Variants in ZDHHC15 observed in about 807,000 individuals in gnomAD.
ZDHHC15 encodes palmitoyltransferase ZDHHC15.
Under a neutral mutation model 31.7 loss-of-function variants are expected in ZDHHC15, and 19 were observed. The ratio of observed to expected loss-of-function variants is 0.60; its 90% CI spans 0.42 to 0.88. The LOEUF is 0.88. ZDHHC15 is among the 40% of genes least tolerant of loss of function. The pLI is 0.00. For synonymous variants in ZDHHC15, 103 were observed against 90.0 expected (o/e 1.14, Z -0.82); for missense variants, 209 against 251.2 (o/e 0.83, Z 1.14).
At chrX:75,478,841 C>T in intron 3 of ZDHHC15, 50 bp downstream of exon 3, 1 of 985,942 alleles carries the variant, frequency 1.0e-6, no homozygotes, top group Non-Finnish European at 1.4e-6. Flanking sequence ...TTTATTGTCA[C>T]TTCTACTTTT....
chrX:75,383,738 T>TG (rs2083144942), intron 10 of ZDHHC15, among the ~76,000 whole-genome samples: 1 of 85,207 alleles, frequency 1.2e-5, no homozygotes, highest in African/African-American at 4.1e-5. Flanking sequence ...ATGTTAGGTT[T>TG]TTTTTTTTTT....
At chrX:75,489,913 A>C (rs891341393) in intron 2 of ZDHHC15, among the ~76,000 whole-genome samples, 1 of 112,374 alleles carries the variant, frequency 8.9e-6, no homozygotes, top group Non-Finnish European at 1.9e-5. Context: ...ATGGAGCTGA[A>C]AAACAAGGCA....
intron 3 of ZDHHC15, among the ~76,000 whole-genome samples, chrX:75,461,719 C>G: frequency 8.9e-6 from 1 of 111,844 alleles, no homozygotes; most frequent in East Asian, 2.8e-4. Flanking sequence ...CCTTTTCAGA[C>G]AAGAAAATAC....
chrX:75,472,800 G>A (rs2084524246), intron 3 of ZDHHC15, among the ~76,000 whole-genome samples: 1 of 111,888 alleles, frequency 8.9e-6, no homozygotes, highest in African/African-American at 3.3e-5. Flanking sequence ...CACTCACCAC[G>A]GTCGACCTGG....
chrX:75,371,794 A>G lies in ZDHHC15; in HGVS notation c.*1184T>C, dbSNP rs763135855. 1.8e-5 allele frequency: 2 copies of G among 112,023 alleles called. No homozygotes were observed. The highest frequency in any genetic ancestry group is 3.8e-5 in the Non-Finnish European group (2 of 53,192). 9.2% of individuals were successfully genotyped at this position (112,023 alleles called of 1,213,427 possible). On this transcript the variant is annotated 3_prime_UTR_variant, in exon 12 of 12. Coordinates refer to ENST00000373367, the MANE Select transcript of ZDHHC15 (RefSeq NM_144969.3). ...GTAAAGAATCAGTACTAGTATTCTC[A>G]CTCATTGATTCAGGCACTAGGACTA...
intron 10 of ZDHHC15, among the ~76,000 whole-genome samples, chrX:75,388,247 C>T (rs1176970195): frequency 8.9e-6 from 1 of 112,092 alleles, no homozygotes; most frequent in East Asian, 2.8e-4. Flanking sequence ...GTATACAATC[C>T]ACTGGCAAAA....
chrX:75,517,364 T>A (rs1221293250), intron 1 of ZDHHC15, among the ~76,000 whole-genome samples: 4 of 110,001 alleles, frequency 3.6e-5, no homozygotes, highest in Non-Finnish European at 7.6e-5. Flanking sequence ...TAGACTGGAT[T>A]AAGAAAATGT....
intron 6 of ZDHHC15, 47 bp from the exon 7 acceptor site, chrX:75,429,245 G>A (rs1163890256): frequency 1.1e-5 from 13 of 1,166,045 alleles, no homozygotes; most frequent in Non-Finnish European, 1.5e-5. Context: ...TCTTGATTGA[G>A]AGCACACTGA....
chrX:75,503,786 A>G (rs977673337), intron 2 of ZDHHC15, among the ~76,000 whole-genome samples: 10 of 111,361 alleles, frequency 9.0e-5, no homozygotes, highest in African/African-American at 3.3e-4. Context: ...AAAATAATAG[A>G]AATTTATTCT....
intron 3 of ZDHHC15, among the ~76,000 whole-genome samples, chrX:75,476,969 CA>C (rs1467351710): frequency 9.0e-6 from 1 of 110,910 alleles, no homozygotes; most frequent in Non-Finnish European, 1.9e-5. Flanking sequence ...GATGAAAAGT[CA>C]GACTATTTTG....
chrX:75,384,808 C>T, intron 10 of ZDHHC15: 4 of 832,761 alleles, frequency 4.8e-6, no homozygotes, highest in Non-Finnish European at 7.2e-6. Context: ...GGAACCTATT[C>T]TCTATGAATT....
rs774404688 is a variant in ZDHHC15 at position 75,447,505 on chromosome X, T to G, written c.379+3297A>C. ...CCCCATCATCCTGAAGCAGCTAGCTTGACAGAGTGATGACATGGTCTTTTG... is the reference window on the plus strand; with the variant it reads ...CCCCATCATCCTGAAGCAGCTAGCTGGACAGAGTGATGACATGGTCTTTTG... On this transcript the variant is annotated intron_variant, in intron 4 of 11. Transcript: ENST00000373367. Among the ~76,000 whole-genome samples the G allele has an allele frequency of 4.5e-5, 5 of 111,954 alleles. No homozygotes were observed. The Admixed American group carries it at 4.7e-4, about 11-fold the overall frequency.
chrX:75,440,176 A>T (rs2083918645), intron 4 of ZDHHC15, among the ~76,000 whole-genome samples: 1 of 112,241 alleles, frequency 8.9e-6, no homozygotes, highest in South Asian at 3.7e-4. Context: ...TATCACGTGG[A>T]CAAACTCAGG....
At chrX:75,464,141 C>T (rs988141645) in intron 3 of ZDHHC15, among the ~76,000 whole-genome samples, 16 of 111,199 alleles carry the variant, frequency 1.4e-4, no homozygotes, top group African/African-American at 3.9e-4. Flanking sequence ...TGCAGGGACA[C>T]GGATGAAGCT....
chrX:75,390,524 T>A (rs1484933351), intron 10 of ZDHHC15, among the ~76,000 whole-genome samples: 1 of 111,432 alleles, frequency 9.0e-6, no homozygotes, highest in Non-Finnish European at 1.9e-5. Flanking sequence ...TTTGTTTGTT[T>A]GGGGGAAAGT....
intron 9 of ZDHHC15, among the ~76,000 whole-genome samples, chrX:75,421,198 G>A (rs1264540562): frequency 2.0e-5 from 2 of 98,476 alleles, no homozygotes; most frequent in Non-Finnish European, 4.0e-5. Flanking sequence ...TTAAAATATA[G>A]TACCATTTTT....
rs926695887 is a variant in ZDHHC15, at chrX:75,436,504, T to C, written c.380-4984A>G. ...AACTTTCCTCTTAGCACTGTTTTGC[T>C]GTATCCCAGAGGTTTTGATAGGTTG... On this transcript the variant is annotated intron_variant, in intron 4 of 11. Coordinates refer to ENST00000373367, the MANE Select transcript of ZDHHC15 (RefSeq NM_144969.3). Among the ~76,000 whole-genome samples, 3 of 112,083 alleles carry C rather than the reference T, an allele frequency of 2.7e-5. No homozygotes were observed. The Admixed American group carries it at 2.8e-4, about 11-fold the overall frequency.
chrX:75,397,194 G>A (rs936992407), intron 10 of ZDHHC15, among the ~76,000 whole-genome samples: 6 of 110,065 alleles, frequency 5.5e-5, no homozygotes, highest in South Asian at 8.0e-4. Context: ...AGGCATGGTT[G>A]TGCATGCCTG....
chrX:75,379,889 G>A (rs997956748), intron 10 of ZDHHC15, among the ~76,000 whole-genome samples: 4 of 21,941 alleles, frequency 1.8e-4, no homozygotes, highest in Non-Finnish European at 2.6e-4. Context: ...GATTCCTAAA[G>A]ACAGAGGCCA....
Sources: allele counts gnomAD v4.1 joint callset (sites outside exome capture counted in the v4.1 genomes callset), GRCh38; gene constraint gnomAD v4.1.1; transcripts MANE v1.5; gene names NCBI Gene and HGNC (gene_info 2026-07-23, HGNC 2026-07-21).